The following PEX7 variants were observed in gnomAD, a reference collection of about 807,000 sequenced individuals.
PEX7 encodes the protein peroxisomal biogenesis factor 7.
A neutral mutation model predicts 47.5 loss-of-function variants in PEX7; 34 were observed. The observed-to-expected ratio is 0.72, with a 90% CI of 0.54 to 0.95. The LOEUF is 0.95. Ranked by LOEUF, PEX7 falls within the 40% of genes least tolerant of loss-of-function variation. PEX7 has a pLI of 0.00. For missense variants in PEX7, 394 were observed against 400.3 expected (o/e 0.98, Z 0.13); for synonymous variants, 141 against 148.8 (o/e 0.95, Z 0.38).
intron 9 of PEX7, among the ~76,000 whole-genome samples, chr6:136,909,879 C>T (rs976793229): frequency 6.6e-5 from 10 of 152,056 alleles, no homozygotes; most frequent in African/African-American, 2.2e-4. Context: ...TTTATAGATA[C>T]CTTGCACTAG....
intron 5 of PEX7, among the ~76,000 whole-genome samples, chr6:136,848,636 A>G (rs1031681551): frequency 1.3e-5 from 2 of 152,128 alleles, no homozygotes; most frequent in African/African-American, 4.8e-5. Context: ...GGTTCTGTTT[A>G]TATGATGGAT....
At chr6:136,846,866 A>G (rs1774614347) in intron 5 of PEX7, among the ~76,000 whole-genome samples, 1 of 152,214 alleles carries the variant, frequency 6.6e-6, no homozygotes, top group African/African-American at 2.4e-5. Flanking sequence ...AGTAAATGGA[A>G]TGGCTGGGTC....
At chr6:136,895,703 T>G (rs1775636307) in intron 8 of PEX7, among the ~76,000 whole-genome samples, 1 of 152,210 alleles carries the variant, frequency 6.6e-6, no homozygotes, top group Admixed American at 6.5e-5. Flanking sequence ...AATGAACCTC[T>G]CTTAGATTAG....
chr6:136,830,873 TATAAC>T (rs1331021487), intron 3 of PEX7, among the ~76,000 whole-genome samples: 1 of 151,990 alleles, frequency 6.6e-6, no homozygotes, highest in Non-Finnish European at 1.5e-5. Flanking sequence ...GCTGAATTTT[TATAAC>T]ATATTTGATC....
At chr6:136,891,783 GA>G (rs1351934169) in intron 8 of PEX7, among the ~76,000 whole-genome samples, 2 of 151,922 alleles carry the variant, frequency 1.3e-5, no homozygotes, top group Non-Finnish European at 2.9e-5. Context: ...TGGGACTGTA[GA>G]CATCCACCAC....
At chr6:136,891,289 G>C (rs1418946137) in intron 8 of PEX7, among the ~76,000 whole-genome samples, 1 of 152,194 alleles carries the variant, frequency 6.6e-6, no homozygotes, top group Non-Finnish European at 1.5e-5. Context: ...ATACTGATCT[G>C]ATTAGAGTTT....
At chr6:136,891,537 G>A (rs941275500) in intron 8 of PEX7, among the ~76,000 whole-genome samples, 1 of 151,928 alleles carries the variant, frequency 6.6e-6, no homozygotes, top group East Asian at 1.9e-4. Context: ...ATTAATACAA[G>A]TTCCAAAACC....
At chr6:136,903,137 A>C (rs953517077) in intron 9 of PEX7, among the ~76,000 whole-genome samples, 2 of 152,116 alleles carry the variant, frequency 1.3e-5, no homozygotes, top group Non-Finnish European at 2.9e-5. Context: ...ACATATTTTT[A>C]AGTGTACAGC....
intron 5 of PEX7, among the ~76,000 whole-genome samples, chr6:136,848,468 A>G (rs1411330507): frequency 6.6e-6 from 1 of 152,142 alleles, no homozygotes; most frequent in Non-Finnish European, 1.5e-5. Context: ...AGTAAATATT[A>G]TCATATTGGC....
chr6:136,832,136 C>T (rs1310661160), intron 3 of PEX7, among the ~76,000 whole-genome samples: 1 of 152,272 alleles, frequency 6.6e-6, no homozygotes, highest in Non-Finnish European at 1.5e-5. Context: ...CATACATCCT[C>T]TGAAATTTAG....
At chr6:136,910,472 C>T (rs1022415504) in intron 9 of PEX7, among the ~76,000 whole-genome samples, 1 of 152,052 alleles carries the variant, frequency 6.6e-6, no homozygotes, top group Non-Finnish European at 1.5e-5. Context: ...GGAACAAGAG[C>T]GAAGAGGCAT....
chr6:136,822,833 G>A, intron 1 of PEX7, 38 bp downstream of exon 1: 1 of 1,212,386 alleles, frequency 8.2e-7, no homozygotes, highest in Non-Finnish European at 1.0e-6. Flanking sequence ...GGGGGGCGGA[G>A]GCGGAGGCGG....
chr6:136,862,083 G>A (rs955046321), intron 5 of PEX7, among the ~76,000 whole-genome samples: 1 of 134,516 alleles, frequency 7.4e-6, no homozygotes, highest in African/African-American at 2.7e-5. Flanking sequence ...TTTTTTTTTG[G>A]GGGGACAGAA....
At chr6:136,838,155 A>G (rs1352940681) in intron 3 of PEX7, among the ~76,000 whole-genome samples, 2 of 152,228 alleles carry the variant, frequency 1.3e-5, no homozygotes, top group African/African-American at 4.8e-5. Flanking sequence ...TGCTAAAACC[A>G]TTAGTTTAAG....
chr6:136,843,881 G>C (rs1225948319), intron 3 of PEX7, among the ~76,000 whole-genome samples: 2 of 151,918 alleles, frequency 1.3e-5, no homozygotes, highest in Admixed American at 6.6e-5. Flanking sequence ...GAATGTGTGA[G>C]GCACTCACTC....
chr6:136,836,094 A>G (rs994809117), intron 3 of PEX7, among the ~76,000 whole-genome samples: 2 of 152,194 alleles, frequency 1.3e-5, no homozygotes, highest in Non-Finnish European at 1.5e-5. Context: ...TTTAGAATCT[A>G]TTAAAAAGCA....
At chr6:136,878,519 G>A (rs1333092523) in intron 8 of PEX7, among the ~76,000 whole-genome samples, 1 of 152,278 alleles carries the variant, frequency 6.6e-6, no homozygotes, top group Non-Finnish European at 1.5e-5. Context: ...CATGAAGGGT[G>A]TTGAATTTTG....
At chr6:136,823,101 C>T in intron 1 of PEX7, 1 of 985,454 alleles carries the variant, frequency 1.0e-6, no homozygotes, top group Non-Finnish European at 1.2e-6. Flanking sequence ...AGGCACACGT[C>T]CCCGTAGGGA....
chr6:136,829,958 A>G (rs1413675967), intron 3 of PEX7: 3 of 696,644 alleles, frequency 4.3e-6, no homozygotes, highest in African/African-American at 3.6e-5. Context: ...ATTAAAAAAA[A>G]AAGTTGATAA....
Sources: gnomAD v4.1 joint callset for allele counts (sites outside exome capture counted in the v4.1 genomes callset) on GRCh38, gnomAD v4.1.1 for gene constraint, MANE v1.5 for transcripts, NCBI Gene and HGNC (gene_info 2026-07-23, HGNC 2026-07-21) for gene names.